Variants in CFAP47 observed in about 807,000 individuals in gnomAD.
CFAP47 encodes cilia and flagella associated protein 47.
A neutral mutation model predicts 148.1 loss-of-function variants in CFAP47; 29 were observed. The ratio of observed to expected loss-of-function variants is 0.20; its 90% CI spans 0.15 to 0.27. The LOEUF is 0.27. CFAP47 is among the 10% of genes least tolerant of loss of function. The pLI, the probability that CFAP47 is intolerant of heterozygous loss-of-function variation, is 1.00. For synonymous variants in CFAP47, 664 were observed against 577.3 expected (o/e 1.15, Z -2.15); for missense variants, 1,872 against 1,697.5 (o/e 1.10, Z -1.81).
Position 36,257,955 on chromosome X carries a change from C to A in CFAP47, c.7444+6511C>A, listed in dbSNP as rs1050386812. On this transcript the variant is annotated intron_variant, in intron 49 of 63. Transcript: ENST00000378653. Reference sequence around the variant, plus strand: ...AGTAGTGTGAAATTCTCTTATTATCCATGACTGTTAGTAGCCTGGTAGCTG... The same window carrying A: ...AGTAGTGTGAAATTCTCTTATTATCAATGACTGTTAGTAGCCTGGTAGCTG... Among the ~76,000 whole-genome samples, 4 of 111,859 alleles carry A rather than the reference C, an allele frequency of 3.6e-5. No individual in the cohort carries two copies. The East Asian group carries it at 1.1e-3, about 31-fold the overall frequency.
intron 49 of CFAP47, among the ~76,000 whole-genome samples, chrX:36,257,510 G>A (rs916806898): frequency 1.9e-5 from 2 of 106,612 alleles, no homozygotes; most frequent in Admixed American, 1.0e-4. Context: ...CTGTAGCTTC[G>A]ACCTCCTGGA....
At chrX:36,210,233 T>A (rs1555989312) in intron 45 of CFAP47, among the ~76,000 whole-genome samples, 1 of 112,098 alleles carries the variant, frequency 8.9e-6, no homozygotes, top group Admixed American at 9.5e-5. Context: ...AGTAGAAGGG[T>A]TGAATCATAT....
intron 19 of CFAP47, 88 bp downstream of exon 19, chrX:35,997,477 A>C (rs906945665): frequency 2.6e-5 from 7 of 270,833 alleles, no homozygotes; most frequent in Non-Finnish European, 4.5e-5. Context: ...TTTATGTTAA[A>C]AATATTTTCC....
At chrX:36,017,478 A>G (rs899079099) in intron 22 of CFAP47, among the ~76,000 whole-genome samples, 1 of 112,066 alleles carries the variant, frequency 8.9e-6, no homozygotes, top group Non-Finnish European at 1.9e-5. Flanking sequence ...ATGTCCTGGA[A>G]AGTTTCCCCA....
intron 48 of CFAP47, among the ~76,000 whole-genome samples, chrX:36,245,208 A>G (rs1490619763): frequency 6.3e-5 from 7 of 111,419 alleles, no homozygotes; most frequent in African/African-American, 1.9e-4. Flanking sequence ...AAATCCATCT[A>G]TGACAGACCC....
At chrX:36,141,974 T>C (rs925981861) in intron 35 of CFAP47, among the ~76,000 whole-genome samples, 1 of 110,984 alleles carries the variant, frequency 9.0e-6, no homozygotes. Context: ...TTGCATATCA[T>C]TGACCGGAAT....
chrX:35,971,993 C>A, intron 13 of CFAP47, 28 bp downstream of exon 13: 1 of 858,181 alleles, frequency 1.2e-6, no homozygotes, highest in Non-Finnish European at 1.6e-6. Context: ...CCTACTACAG[C>A]CTTTATTTTT....
intron 8 of CFAP47, among the ~76,000 whole-genome samples, chrX:35,958,888 C>A (rs967853740): frequency 9.0e-6 from 1 of 111,533 alleles, no homozygotes; most frequent in Non-Finnish European, 1.9e-5. Context: ...CTCTCAGGTT[C>A]CTTAAAAGTG....
At chrX:35,953,527 C>T in intron 6 of CFAP47, 65 bp from the exon 7 acceptor site, 2 of 832,708 alleles carry the variant, frequency 2.4e-6, no homozygotes, top group Non-Finnish European at 3.3e-6. Context: ...TTGATATTTC[C>T]TCTTACAAGG....
chrX:36,186,109 C>A (rs1455928281), intron 40 of CFAP47, among the ~76,000 whole-genome samples: 2 of 111,395 alleles, frequency 1.8e-5, no homozygotes, highest in Non-Finnish European at 3.8e-5. Context: ...AAGTTAATGC[C>A]TACTATACTT....
intron 45 of CFAP47, among the ~76,000 whole-genome samples, chrX:36,222,263 A>C (rs1447022517): frequency 9.0e-6 from 1 of 110,681 alleles, no homozygotes; most frequent in Non-Finnish European, 1.9e-5. Flanking sequence ...AATACTTTTC[A>C]TTTTCCTTCC....
At chrX:36,274,852 A>T (rs1189913049) in intron 49 of CFAP47, among the ~76,000 whole-genome samples, 2 of 111,568 alleles carry the variant, frequency 1.8e-5, no homozygotes, top group Non-Finnish European at 3.8e-5. Flanking sequence ...TTTGCCTAGA[A>T]CACCCAGTAC....
At chrX:35,925,661 T>C (rs933042143) in intron 1 of CFAP47, among the ~76,000 whole-genome samples, 1 of 112,163 alleles carries the variant, frequency 8.9e-6, no homozygotes, top group African/African-American at 3.2e-5. Flanking sequence ...ACGTTATTTA[T>C]TTATTTATTT....
At chrX:36,122,035 A>G (rs1431215816) in intron 33 of CFAP47, among the ~76,000 whole-genome samples, 1 of 110,844 alleles carries the variant, frequency 9.0e-6, no homozygotes, top group Non-Finnish European at 1.9e-5. Flanking sequence ...TTTGATGGAC[A>G]TTTTTGCTGA....
At chrX:35,923,871 ATGTATATATGTACATATATATG>A (rs1569200586) in intron 1 of CFAP47, among the ~76,000 whole-genome samples, 1 of 94,573 alleles carries the variant, frequency 1.1e-5, no homozygotes, top group Non-Finnish European at 2.0e-5. Flanking sequence ...ATGTACATAT[ATGTATATATGTACATATATATG>A]TGTATATATG....
chrX:36,057,649 C>T (rs996322403), intron 26 of CFAP47, among the ~76,000 whole-genome samples: 5 of 111,195 alleles, frequency 4.5e-5, no homozygotes, highest in South Asian at 3.8e-4. Context: ...TTTATTGAAA[C>T]GGGCATGCAA....
intron 42 of CFAP47, among the ~76,000 whole-genome samples, chrX:36,194,693 G>T (rs1436937170): frequency 6.3e-5 from 7 of 111,230 alleles, no homozygotes; most frequent in Admixed American, 2.9e-4. Context: ...AAGAGTGAAG[G>T]GGGCGGTGCT....
At chrX:36,238,098 T>C (rs1277554099) in intron 48 of CFAP47, among the ~76,000 whole-genome samples, 2 of 111,346 alleles carry the variant, frequency 1.8e-5, no homozygotes, top group Non-Finnish European at 3.8e-5. Flanking sequence ...TTTTATGATA[T>C]GGTTTGGTTG....
Position 35,922,266 on chromosome X carries a change from C to T in CFAP47, c.249+2218C>T. ...TGAGTTCTCATTTTCTCTAAGAAGT[C>T]TGTTATTATTTTATCCCCAAATTAT... On this transcript the variant is annotated intron_variant, in intron 1 of 63. Transcript: ENST00000378653. 2.7e-5 allele frequency among the ~76,000 whole-genome samples: 3 copies of T among 112,022 alleles called. No individual in the cohort carries two copies. In the South Asian group the frequency reaches 1.1e-3, roughly 41 times the overall value.
Sources: gnomAD v4.1 joint callset for allele counts (sites outside exome capture counted in the v4.1 genomes callset) on GRCh38, gnomAD v4.1.1 for gene constraint, MANE v1.5 for transcripts, NCBI Gene and HGNC (gene_info 2026-07-23, HGNC 2026-07-21) for gene names.